Variants in RRP9 observed in about 807,000 individuals in gnomAD.
RRP9 encodes the protein U3 small nucleolar RNA-interacting protein 2.
Under a neutral mutation model 65.5 loss-of-function variants are expected in RRP9, and 35 were observed. The ratio of observed to expected loss-of-function variants is 0.53; its 90% confidence interval spans 0.41 to 0.71. RRP9 has a LOEUF of 0.71. Among genes scored for constraint, RRP9 ranks in the 30% least tolerant of loss-of-function variants. The probability of loss-of-function intolerance (pLI) is 0.00; values close to 1 mark genes in which losing one functional copy is unlikely to be tolerated. For missense variants in RRP9, 533 were observed against 633.6 expected (o/e 0.84, Z 1.70); for synonymous variants, 254 against 245.0 (o/e 1.04, Z -0.34).
chr3:51,941,899 G>T lies in RRP9; in HGVS notation c.-32C>A, dbSNP rs375980602. On this transcript the variant is annotated 5_prime_UTR_variant, in exon 1 of 15. The change creates a new upstream start codon in the 5' untranslated region. Coordinates refer to ENST00000232888, the MANE Select transcript of RRP9 (RefSeq NM_004704.5). ...CACCAGGCGTGTAGCAGCGGCCGCA[G>T]AACTCACGTGGCAGCTGAACCCTCC... is the stretch of plus-strand genomic sequence containing the variant. 1.2e-4 allele frequency: 191 copies of T among 1,537,876 alleles called. No individual in the cohort carries two copies. The highest frequency in any genetic ancestry group is 1.5e-4 in the Admixed American group (8 of 54,158).
At chr3:51,941,716 C>T in intron 1 of RRP9, 65 bp downstream of exon 1, 2 of 1,429,460 alleles carry the variant, frequency 1.4e-6, no homozygotes, top group Non-Finnish European at 1.9e-6. Context: ...CCCAGGTCCC[C>T]TGGATGGGAT....
chr3:51,941,453 G>A lies in RRP9; in HGVS notation c.126C>T (p.Gly42=), dbSNP rs745349456. ...TGGAGATCTCCTCATTCATCTTGCCGCCACCCTTGGATTTGCCCCTGTCCC... is the reference window on the plus strand; with the variant it reads ...TGGAGATCTCCTCATTCATCTTGCCACCACCCTTGGATTTGCCCCTGTCCC... ...SAGDRGKSKG[G]GKMNEEISSD... The change falls in exon 2 of 15, where the codon GGC becomes GGT. Residue 42 remains glycine, a synonymous_variant. Coordinates refer to ENST00000232888, the MANE Select transcript of RRP9 (RefSeq NM_004704.5). 3.1e-6 allele frequency: 5 copies of A among 1,613,932 alleles called. No individual in the cohort carries two copies. Among genetic ancestry groups the A allele is most frequent in the Non-Finnish European group, 3.4e-6 (4 of 1,179,996 alleles).
chr3:51,941,590 G>A lies in RRP9; in HGVS notation c.88-99C>T. On this transcript the variant is annotated intron_variant, in intron 1 of 14. Coordinates refer to ENST00000232888, the MANE Select transcript of RRP9 (RefSeq NM_004704.5). ...CGGTTCCCTCAGAACCCCAGGAATG[G>A]GGAAGGCGGTGGTTCCCGGGTTAAG... The A allele has an allele frequency of 4.7e-6, 6 of 1,265,636 alleles. No homozygotes were observed. In the Admixed American group the frequency reaches 5.3e-5, roughly 11 times the overall value. The allele number at this position is 1,265,636 out of a possible 1,614,324, so 78.4% of individuals were successfully genotyped here. A position where few individuals can be genotyped will look rare whatever the true frequency, so the allele number is the denominator to read the frequency against.
Position 51,934,983 on chromosome 3 carries a change from A to G in RRP9, c.1035-207T>C, listed in dbSNP as rs1348792911. On this transcript the variant is annotated intron_variant, in intron 11 of 14. Transcript: ENST00000232888. This position sits in a 1 kb window ranked among gnomAD's most constrained non-coding sequence, Gnocchi z 4.1. ...CCCACAACAAATTTTTTTTAATTCTAAAAAAAAAGAAAAAAGGCCACATGA... is the reference window on the plus strand; with the variant it reads ...CCCACAACAAATTTTTTTTAATTCTGAAAAAAAAGAAAAAAGGCCACATGA... 6.6e-6 allele frequency among the ~76,000 whole-genome samples: 1 copy of G among 151,162 alleles called. No individual in the cohort carries two copies. Among genetic ancestry groups the G allele is most frequent in the Admixed American group, 6.6e-5 (1 of 15,144 alleles).
Position 51,933,760 on chromosome 3 carries a change from T to C in RRP9, c.1282A>G (p.Lys428Glu), listed in dbSNP as rs778682899. Residue 428 changes from lysine (K) to glutamate (E), a missense_variant, in exon 14 of 15, where the codon AAG (lysine) becomes GAG (glutamate). Around this residue, in one of 3 missense-constraint regions of RRP9, gnomAD observed 449 missense variants for 550.6 expected, o/e 0.82. Transcript: ENST00000232888. ...IPLVGFINSL[K>E]FSSSGDFLVA... Reference sequence around the variant, plus strand: ...AGGAAGTCCCCAGAGCTGGAGAACTTGAGGCTGTTGATAAAACCCACCTGA... The same window carrying C: ...AGGAAGTCCCCAGAGCTGGAGAACTCGAGGCTGTTGATAAAACCCACCTGA... 6.2e-7 allele frequency: 1 copy of C among 1,614,034 alleles called. No individual in the cohort carries two copies. The highest frequency in any genetic ancestry group is 8.5e-7 in the Non-Finnish European group (1 of 1,179,980).
chr3:51,933,722 T>C lies in RRP9; in HGVS notation c.1320A>G (p.Val440=), dbSNP rs1368880541. The C allele has an allele frequency of 4.3e-6, 7 of 1,613,934 alleles. No homozygotes were observed. The highest frequency in any genetic ancestry group is 3.3e-4 in the Middle Eastern group (2 of 6,084). The part of the protein sequence containing the change: ...SSSGDFLVAG[V]GQEHRLGRWW... ...GCCACACATACCTGTGCTCCTGCCC[T>C]ACCCCAGCCACCAGGAAGTCCCCAG... Residue 440 remains valine, a synonymous_variant, in exon 14 of 15, where the codon GTA becomes GTG. Coordinates refer to ENST00000232888, the MANE Select transcript of RRP9 (RefSeq NM_004704.5).
In RRP9 at chr3:51,935,690, A is replaced by G; in HGVS notation, c.738T>C (p.Gly246=). Reference sequence around the variant, plus strand: ...GGTGGGTGCCTCTGCGGAATGCCAGACCCTAAGGGTGCATGGGGAGAGGGC... The same window carrying G: ...GGTGGGTGCCTCTGCGGAATGCCAGGCCCTAAGGGTGCATGGGGAGAGGGC... ...TFTGHRDAVS[G]LAFRRGTHQL... is the part of the protein sequence containing the mutation. Residue 246 remains glycine (G), a splice_region_variant and synonymous_variant, in exon 9 of 15, where the codon GGT becomes GGC. Transcript: ENST00000232888. 6.2e-7 allele frequency: 1 copy of G among 1,613,662 alleles called. No individual in the cohort carries two copies. The highest frequency in any genetic ancestry group is 8.5e-7 in the Non-Finnish European group (1 of 1,179,688).
At position 51,933,755 on chromosome 3, in the gene RRP9, G is replaced by A. The variant is rs528665595; in HGVS notation, c.1287C>T (p.Phe429=). The A allele has an allele frequency of 6.2e-7, 1 of 1,614,142 alleles. No homozygotes were observed. Among genetic ancestry groups the A allele is most frequent in the Admixed American group, 1.7e-5 (1 of 60,016 alleles). The part of the protein sequence containing the change: ...PLVGFINSLK[F]SSSGDFLVAG... ...CCACCAGGAAGTCCCCAGAGCTGGA[G>A]AACTTGAGGCTGTTGATAAAACCCA... Residue 429 remains phenylalanine, a synonymous_variant, in exon 14 of 15, where the codon TTC becomes TTT. Transcript: ENST00000232888.
At chr3:51,936,234 C>A (rs1312671869) in intron 8 of RRP9, 23 bp downstream of exon 8, 1 of 1,609,280 alleles carries the variant, frequency 6.2e-7, no homozygotes, top group South Asian at 1.1e-5. Context: ...TAAAGATCCA[C>A]TGACATAGAC....
In RRP9 at chr3:51,934,878, C is replaced by T. The variant is rs1394300317; in HGVS notation, c.1035-102G>A. 2 of 1,265,066 alleles carry T rather than the reference C, an allele frequency of 1.6e-6. No individual in the cohort carries two copies. The highest frequency in any genetic ancestry group is 2.2e-6 in the Non-Finnish European group (2 of 910,880). 78.4% of individuals were successfully genotyped at this position (1,265,066 alleles called of 1,614,324 possible). ...GCTTGAGGGGATGGATACCCCATTT[C>T]CCATGATGTGATTATTACATATTGC... On this transcript the variant is annotated intron_variant, in intron 11 of 14. Coordinates refer to ENST00000232888, the MANE Select transcript of RRP9 (RefSeq NM_004704.5). This position sits in a 1 kb window ranked among gnomAD's most constrained non-coding sequence, Gnocchi z 4.1.
At chr3:51,935,996 G>C (rs1170323489) in intron 8 of RRP9, among the ~76,000 whole-genome samples, 1 of 152,170 alleles carries the variant, frequency 6.6e-6, no homozygotes, top group Non-Finnish European at 1.5e-5. Flanking sequence ...AAAGTGCTAG[G>C]ATTATAGGCA....
At position 51,937,083 on chromosome 3, in the gene RRP9, A is replaced by C; in HGVS notation, c.517+109T>G. On this transcript the variant is annotated intron_variant, in intron 6 of 14. Transcript: ENST00000232888. This position sits in a 1 kb window ranked among gnomAD's most constrained non-coding sequence, Gnocchi z 5.0. ...CTCCTAGGGCAGCAAACCTGCCTCCAGAGACTTCCCCACTTCAGGGCTCAG... is the reference window on the plus strand; with the variant it reads ...CTCCTAGGGCAGCAAACCTGCCTCCCGAGACTTCCCCACTTCAGGGCTCAG... The C allele has an allele frequency of 2.1e-6, 3 of 1,422,500 alleles. No individual in the cohort carries two copies. The highest frequency in any genetic ancestry group is 1.9e-6 in the Non-Finnish European group (2 of 1,036,306). 88.1% of individuals were successfully genotyped at this position (1,422,500 alleles called of 1,614,324 possible).
intron 11 of RRP9, 64 bp downstream of exon 11, chr3:51,935,133 C>T (rs1042321420): frequency 1.9e-6 from 3 of 1,572,560 alleles, no homozygotes; most frequent in Middle Eastern, 1.7e-4. Context: ...AAGCTCAGGG[C>T]CCCGTGGACA....
chr3:51,935,371 C>G lies in RRP9; in HGVS notation c.942G>C (p.Glu314Asp), dbSNP rs1350282752. The G allele has an allele frequency of 6.2e-7, 1 of 1,614,056 alleles. No homozygotes were observed. The highest frequency in any genetic ancestry group is 1.3e-5 in the African/African-American group (1 of 74,948). ...DGTVRVWKIPEESQLVFYGHQ... is the reference protein window; with the variant it reads ...DGTVRVWKIPDESQLVFYGHQ... Reference sequence around the variant, plus strand: ...GGCCATAGAAGACAAGCTGGGACTCCTCGGGGATCTTCCACACACGTACAG... The same window carrying G: ...GGCCATAGAAGACAAGCTGGGACTCGTCGGGGATCTTCCACACACGTACAG... Residue 314 changes from glutamate (E) to aspartate (D), a missense_variant, in exon 10 of 15, where the codon GAG becomes GAC. Transcript: ENST00000232888.
In RRP9 at chr3:51,937,113, C is replaced by A; in HGVS notation, c.517+79G>T. On this transcript the variant is annotated intron_variant, in intron 6 of 14. Transcript: ENST00000232888. The surrounding 1 kb of genome is among the most constrained non-coding windows in gnomAD (Gnocchi z 5.0). The stretch of plus-strand genomic sequence containing the variant: ...CTTCCCCACTTCAGGGCTCAGCCTG[C>A]CATGACCACTCCCACTCCCCTGACC... The A allele has an allele frequency of 6.4e-7, 1 of 1,561,632 alleles. No homozygotes were observed.
chr3:51,941,554 C>T, intron 1 of RRP9, 63 bp from the exon 2 acceptor site: 1 of 932,022 alleles, frequency 1.1e-6, no homozygotes, highest in Non-Finnish European at 1.6e-6. Context: ...TGACCAAGGG[C>T]CCCCCCCCCT....
chr3:51,941,557 C>CCA (rs1029498293), intron 1 of RRP9, 66 bp from the exon 2 acceptor site: 1 of 1,446,750 alleles, frequency 6.9e-7, no homozygotes, highest in African/African-American at 1.4e-5. Context: ...CCAAGGGCCC[C>CCA]CCCCCCTCGG....
In RRP9 at chr3:51,934,539, G is replaced by T; in HGVS notation, c.1193C>A (p.Ser398Tyr). Residue 398 changes from serine (S) to tyrosine (Y), a missense_variant, in exon 13 of 15, where the codon TCC becomes TAC. Coordinates refer to ENST00000232888, the MANE Select transcript of RRP9 (RefSeq NM_004704.5). This position sits in a 1 kb window ranked among gnomAD's most constrained non-coding sequence, Gnocchi z 4.1. ...TDLVATGSHS[S>Y]CVRLWQCGEG... ...CCCACACTGCCAAAGCCGCACACAG[G>T]AGCTGTGGGAGCCTGGGGAGACTGG... 1 of 1,614,104 alleles carries T rather than the reference G, an allele frequency of 6.2e-7. No individual in the cohort carries two copies. The highest frequency in any genetic ancestry group is 1.7e-4 in the Middle Eastern group (1 of 6,058).
intron 8 of RRP9, 116 bp downstream of exon 8, chr3:51,936,141 A>G: frequency 1.1e-6 from 1 of 951,614 alleles, no homozygotes; most frequent in Non-Finnish European, 1.7e-6. Context: ...CTCGCTACCC[A>G]CTCGCTACCC....
Sources: gnomAD v4.1 joint callset for allele counts (sites outside exome capture counted in the v4.1 genomes callset) on GRCh38, gnomAD v4.1.1 for gene constraint, gnomAD v4.1.1 regional missense constraint, Gnocchi (gnomAD v3.1) non-coding constraint, MANE v1.5 for transcripts, NCBI Gene and HGNC (gene_info 2026-07-23, HGNC 2026-07-21) for gene names.